The following NEIL3 variants were observed in gnomAD, a reference collection of about 807,000 sequenced individuals.
NEIL3 encodes the protein nei like DNA glycosylase 3, also known as endonuclease 8-like 3.
A neutral mutation model predicts 57.5 loss-of-function variants in NEIL3; 48 were observed. The ratio of observed to expected loss-of-function variants is 0.83; its 90% CI spans 0.66 to 1.06. The LOEUF (loss-of-function observed/expected upper bound fraction) is 1.06. NEIL3 is among the 50% of genes least tolerant of loss of function. The pLI is 0.00. For missense variants in NEIL3, 717 were observed against 739.1 expected (o/e 0.97, Z 0.35); for synonymous variants, 261 against 253.2 (o/e 1.03, Z -0.29).
intron 2 of NEIL3, among the ~76,000 whole-genome samples, chr4:177,324,564 G>A (rs1320148073): frequency 6.6e-6 from 1 of 152,090 alleles, no homozygotes; most frequent in East Asian, 1.9e-4. Flanking sequence ...TCCTGATAGT[G>A]CCAAGGAATA....
intron 1 of NEIL3, among the ~76,000 whole-genome samples, chr4:177,319,730 T>G (rs1734640495): frequency 6.6e-6 from 1 of 152,074 alleles, no homozygotes; most frequent in African/African-American, 2.4e-5. Context: ...TAGTAGCAAA[T>G]TCTTTCCTAC....
At chr4:177,337,483 T>C (rs1734999816) in intron 4 of NEIL3, among the ~76,000 whole-genome samples, 1 of 152,180 alleles carries the variant, frequency 6.6e-6, no homozygotes, top group African/African-American at 2.4e-5. Context: ...TTTTGATACT[T>C]GGAACACGTG....
intron 8 of NEIL3, 25 bp from the exon 9 acceptor site, chr4:177,360,478 C>G (rs776161628): frequency 1.2e-6 from 2 of 1,601,940 alleles, no homozygotes; most frequent in Admixed American, 1.7e-5. Flanking sequence ...CTATGCTGTA[C>G]TTATTTTGTA....
intron 1 of NEIL3, among the ~76,000 whole-genome samples, chr4:177,314,637 A>G (rs1322185300): frequency 6.6e-6 from 1 of 152,178 alleles, no homozygotes; most frequent in African/African-American, 2.4e-5. Flanking sequence ...TAGTCTGAGT[A>G]AGTGCTTGAA....
chr4:177,338,032 A>ACTCT (rs1735012714), intron 4 of NEIL3, among the ~76,000 whole-genome samples: 1 of 151,834 alleles, frequency 6.6e-6, no homozygotes, highest in South Asian at 2.1e-4. Flanking sequence ...TCTCACACAC[A>ACTCT]CACACACACA....
intron 1 of NEIL3, among the ~76,000 whole-genome samples, chr4:177,318,299 GT>G (rs555517076): frequency 6.6e-6 from 1 of 152,106 alleles, no homozygotes; most frequent in Non-Finnish European, 1.5e-5. Flanking sequence ...ACTTTTGTCA[GT>G]TTTTTCCTGT....
chr4:177,329,343 T>C (rs552425979), intron 2 of NEIL3, among the ~76,000 whole-genome samples: 2 of 152,198 alleles, frequency 1.3e-5, no homozygotes, highest in Admixed American at 6.5e-5. Flanking sequence ...CCAACTATAA[T>C]GTGCCTATAA....
downstream of NEIL3, among the ~76,000 whole-genome samples, chr4:177,366,443 G>A (rs568465532): frequency 2.6e-5 from 4 of 152,316 alleles, no homozygotes; most frequent in African/African-American, 9.6e-5. Flanking sequence ...TTGTCGCCCA[G>A]GCTGTAGTGC....
intron 4 of NEIL3, among the ~76,000 whole-genome samples, chr4:177,338,066 T>G (rs550500112): frequency 2.0e-5 from 3 of 152,178 alleles, no homozygotes; most frequent in East Asian, 1.9e-4. Flanking sequence ...GAAATTTAGC[T>G]CTTAGCTTCT....
chr4:177,310,297 AG>A (rs35443270), intron 1 of NEIL3, among the ~76,000 whole-genome samples, 188 bp downstream of exon 1: 123 of 152,260 alleles, frequency 8.1e-4, no homozygotes, highest in African/African-American at 2.6e-3. Flanking sequence ...TGCGCAGGAG[AG>A]GAGGGCTAGC....
At chr4:177,325,345 T>G (rs898332966) in intron 2 of NEIL3, among the ~76,000 whole-genome samples, 1 of 152,160 alleles carries the variant, frequency 6.6e-6, no homozygotes, top group Non-Finnish European at 1.5e-5. Context: ...TATAATACTT[T>G]AAGATTCATT....
chr4:177,340,509 G>A (rs1394831816), intron 5 of NEIL3, among the ~76,000 whole-genome samples: 3 of 152,070 alleles, frequency 2.0e-5, no homozygotes, highest in Admixed American at 1.3e-4. Context: ...TTTTTACTAT[G>A]TTCAGAAAGT....
chr4:177,314,702 C>T (rs924425705), intron 1 of NEIL3, among the ~76,000 whole-genome samples: 1 of 152,092 alleles, frequency 6.6e-6, no homozygotes, highest in African/African-American at 2.4e-5. Flanking sequence ...GCCTGAGGAC[C>T]TCTATTTTGT....
At chr4:177,355,366 G>T (rs1362754105) in intron 8 of NEIL3, among the ~76,000 whole-genome samples, 2 of 152,082 alleles carry the variant, frequency 1.3e-5, no homozygotes, top group Admixed American at 1.3e-4. Flanking sequence ...ATATGAAATG[G>T]CATAGTCCTT....
rs34193982 is a variant in NEIL3 at position 177,341,630 on chromosome 4, A to T, written c.857A>T (p.His286Leu). ...CACTGTCAAAAAGAAAATCCTCAACATGTTGACATATGGTAAGATATTGAA... is the reference window on the plus strand; with the variant it reads ...CACTGTCAAAAAGAAAATCCTCAACTTGTTGACATATGGTAAGATATTGAA... Reference protein sequence around the residue: ...CPHCQKENPQHVDICKLPTRN... With the variant: ...CPHCQKENPQLVDICKLPTRN... Residue 286 changes from histidine to leucine, a missense_variant, in exon 6 of 10, where the codon CAT (histidine) becomes CTT (leucine). His to Leu is a moderately conservative substitution (Grantham distance 99). Coordinates refer to ENST00000264596, the MANE Select transcript of NEIL3 (RefSeq NM_018248.3). The T allele has an allele frequency of 3.1e-6, 5 of 1,612,336 alleles. No homozygotes were observed. The Admixed American group carries it at 8.4e-5, about 27-fold the overall frequency.
chr4:177,346,513 C>T (rs908480923), intron 6 of NEIL3, among the ~76,000 whole-genome samples: 36 of 152,270 alleles, frequency 2.4e-4, no homozygotes, highest in Middle Eastern at 3.4e-3. Context: ...ATCTTTGTTC[C>T]TATAGCTCTG....
intron 1 of NEIL3, among the ~76,000 whole-genome samples, chr4:177,312,314 T>A (rs1734492521): frequency 6.6e-6 from 1 of 152,210 alleles, no homozygotes; most frequent in African/African-American, 2.4e-5. Flanking sequence ...CTCTTAACCA[T>A]GCCATAGCTC....
chr4:177,335,193 T>C (rs1331878873), intron 2 of NEIL3, among the ~76,000 whole-genome samples: 2 of 152,204 alleles, frequency 1.3e-5, no homozygotes, highest in Admixed American at 1.3e-4. Flanking sequence ...ATAGATATTA[T>C]TTTGCAATAG....
chr4:177,368,075 T>C, the NEIL3 span, among the ~76,000 whole-genome samples: 3 of 152,216 alleles, frequency 2.0e-5, no homozygotes, highest in African/African-American at 7.2e-5. Flanking sequence ...TTCTCATTTA[T>C]TAAGGAAAAG....
Sources: allele counts gnomAD v4.1 joint callset (sites outside exome capture counted in the v4.1 genomes callset), GRCh38; gene constraint gnomAD v4.1.1; transcripts MANE v1.5; gene names NCBI Gene and HGNC (gene_info 2026-07-23, HGNC 2026-07-21).